The following FHIT variants were observed in gnomAD, a reference collection of about 807,000 sequenced individuals.
FHIT encodes fragile histidine triad diadenosine triphosphatase.
Under a neutral mutation model 17.9 loss-of-function variants are expected in FHIT, and 19 were observed. The ratio of observed to expected loss-of-function variants is 1.06; its 90% CI spans 0.74 to 1.56. FHIT has a LOEUF of 1.56. FHIT is among the 40% of genes most tolerant of loss of function. FHIT has a pLI of 0.00. For synonymous variants in FHIT, 81 were observed against 69.7 expected (o/e 1.16, Z -0.81); for missense variants, 248 against 189.2 (o/e 1.31, Z -1.82).
intron 2 of FHIT, among the ~76,000 whole-genome samples, chr3:61,192,100 T>A (rs1257295549): frequency 1.3e-5 from 2 of 152,140 alleles, no homozygotes; most frequent in African/African-American, 2.4e-5. Flanking sequence ...GAACCAGCCA[T>A]CTTAGAACTA....
chr3:60,079,392 G>A (rs570769061), intron 5 of FHIT, among the ~76,000 whole-genome samples: 3 of 152,148 alleles, frequency 2.0e-5, no homozygotes, highest in Admixed American at 6.5e-5. Flanking sequence ...AGCAATCGTG[G>A]GTGGGGGCTT....
chr3:60,862,777 G>T lies in FHIT; in HGVS notation c.-110-40766C>A, dbSNP rs190459213. Among the ~76,000 whole-genome samples, 3 of 151,768 alleles carry T rather than the reference G, an allele frequency of 2.0e-5. No individual in the cohort carries two copies. The East Asian group carries it at 5.8e-4, about 30-fold the overall frequency. ...TAAGGCAGCAGAATTGCTTGAACCC[G>T]GGAGGCAGAGGTTGCAGTGAGCCAA... On this transcript the variant is annotated intron_variant, in intron 3 of 9. Coordinates refer to ENST00000492590, the MANE Select transcript of FHIT (RefSeq NM_002012.4).
At chr3:60,320,225 T>C (rs1422048613) in intron 5 of FHIT, among the ~76,000 whole-genome samples, 1 of 152,212 alleles carries the variant, frequency 6.6e-6, no homozygotes, top group Non-Finnish European at 1.5e-5. Context: ...ATTTCAAATT[T>C]GTTTATTCTT....
intron 2 of FHIT, among the ~76,000 whole-genome samples, chr3:61,147,105 T>C (rs960583538): frequency 6.6e-6 from 1 of 152,016 alleles, no homozygotes; most frequent in Non-Finnish European, 1.5e-5. Context: ...CTTTTTGTTG[T>C]TGTTTTCTAC....
chr3:59,999,688 T>C (rs1417955725), intron 7 of FHIT, among the ~76,000 whole-genome samples: 1 of 152,088 alleles, frequency 6.6e-6, no homozygotes. Flanking sequence ...CGCTGCACCC[T>C]CTGCCGCCTC....
chr3:60,736,523 T>C (rs1041668994), intron 4 of FHIT, among the ~76,000 whole-genome samples: 3 of 152,214 alleles, frequency 2.0e-5, no homozygotes, highest in African/African-American at 4.8e-5. Context: ...CATTATGCTA[T>C]GTGAGAAAAG....
intron 4 of FHIT, among the ~76,000 whole-genome samples, chr3:60,819,001 T>G (rs1272768668): frequency 2.0e-5 from 3 of 151,702 alleles, no homozygotes; most frequent in Non-Finnish European, 4.4e-5. Context: ...TCTCTAATGC[T>G]TCCAGGTAAT....
chr3:61,174,363 A>C lies in FHIT; in HGVS notation c.-164+26254T>G, dbSNP rs879359504. ...AATTATACTGCAATGCTGAGGAAAG[A>C]GACATTTAATTACAGATATAATTTA... is the stretch of plus-strand genomic sequence containing the variant. On this transcript the variant is annotated intron_variant, in intron 2 of 9. Coordinates refer to ENST00000492590, the MANE Select transcript of FHIT (RefSeq NM_002012.4). Among the ~76,000 whole-genome samples, 7 of 152,390 alleles carry C rather than the reference A, an allele frequency of 4.6e-5. No homozygotes were observed. In the East Asian group the frequency reaches 1.3e-3, roughly 29 times the overall value.
rs142446094 is a variant in FHIT, at chr3:60,159,844, T to TA, written c.104-145693dup. Among the ~76,000 whole-genome samples, 1,194 of 152,212 alleles carry TA rather than the reference T, an allele frequency of 7.8e-3. 10 individuals carry two copies. The highest frequency in any genetic ancestry group is 0.027 in the African/African-American group (1,107 of 41,540). ...CCTCTAACTCCAGGGAACATGCTCA[T>TA]AACCATGAGGACACATTGCCTCACA... On this transcript the variant is annotated intron_variant, in intron 5 of 9. Transcript: ENST00000492590.
At chr3:60,769,794 T>G (rs1553722562) in intron 4 of FHIT, among the ~76,000 whole-genome samples, 1 of 152,216 alleles carries the variant, frequency 6.6e-6, no homozygotes, top group Non-Finnish European at 1.5e-5. Flanking sequence ...TACTATTAAC[T>G]TAGGTTTTCA....
chr3:60,086,730 C>CA (rs1325872974), intron 5 of FHIT, among the ~76,000 whole-genome samples: 1 of 152,210 alleles, frequency 6.6e-6, no homozygotes, highest in African/African-American at 2.4e-5. Context: ...CTAGGTACTG[C>CA]AAGGGGTGGG....
chr3:60,470,780 G>T (rs868582422), intron 5 of FHIT, among the ~76,000 whole-genome samples: 2 of 152,038 alleles, frequency 1.3e-5, no homozygotes, highest in Non-Finnish European at 2.9e-5. Context: ...AAGCAGAAGG[G>T]ATCTCTCCCT....
At chr3:60,370,357 G>A (rs375955719) in intron 5 of FHIT, among the ~76,000 whole-genome samples, 6 of 152,258 alleles carry the variant, frequency 3.9e-5, no homozygotes, top group African/African-American at 1.2e-4. Context: ...TGTTCGGAGT[G>A]TTTTTCTATT....
chr3:59,784,596 C>T (rs564386352), intron 8 of FHIT, among the ~76,000 whole-genome samples: 61 of 152,192 alleles, frequency 4.0e-4, no homozygotes, highest in Admixed American at 6.5e-4. Flanking sequence ...GGTGGCTTTA[C>T]GTAGAACGCA....
intron 3 of FHIT, among the ~76,000 whole-genome samples, chr3:60,855,984 G>T (rs10510855): frequency 0.65 from 98,950 of 151,978 alleles, 36,352 homozygotes; most frequent in East Asian, 1. Flanking sequence ...ATTTTGGGGA[G>T]AAGATGCATC....
intron 3 of FHIT, among the ~76,000 whole-genome samples, chr3:61,027,260 T>C (rs888153058): frequency 1.3e-5 from 2 of 152,132 alleles, no homozygotes; most frequent in Non-Finnish European, 2.9e-5. Flanking sequence ...CAAATTTTTG[T>C]AGTTTTAGTA....
At chr3:60,123,985 TATATATATATATATATATATATATAG>T (rs1248382987) in intron 5 of FHIT, among the ~76,000 whole-genome samples, 3 of 47,466 alleles carry the variant, frequency 6.3e-5, no homozygotes, top group South Asian at 1.6e-3. Flanking sequence ...TATATATATA[TATATATATATATATATATATATATAG>T]AGAGAGAGAG....
chr3:60,948,248 G>A (rs967137407), intron 3 of FHIT, among the ~76,000 whole-genome samples: 3 of 152,152 alleles, frequency 2.0e-5, no homozygotes, highest in Admixed American at 6.5e-5. Context: ...GCACTGGCAA[G>A]TCAGGCAGAA....
In FHIT at chr3:60,789,156, G is replaced by GTATATATA. The variant is rs782494801; in HGVS notation, c.-18+32755_-18+32762dup. ...TATAGAGAGAGATGTGTGTGTGTGTGTATATATATATATATATATAGAGAG... is the reference window on the plus strand; with the variant it reads ...TATAGAGAGAGATGTGTGTGTGTGTGTATATATATATATATATATATATATATAGAGAG... On this transcript the variant is annotated intron_variant, in intron 4 of 9. Transcript: ENST00000492590. Among the ~76,000 whole-genome samples the GTATATATA allele has an allele frequency of 3.1e-5, 4 of 131,118 alleles. No individual in the cohort carries two copies. In the East Asian group the frequency reaches 6.8e-4, roughly 22 times the overall value. The allele number at this position is 131,118 out of a possible 152,430, so 86.0% of individuals were successfully genotyped here.
Sources: gnomAD v4.1 joint callset for allele counts (sites outside exome capture counted in the v4.1 genomes callset) on GRCh38, gnomAD v4.1.1 for gene constraint, MANE v1.5 for transcripts, NCBI Gene and HGNC (gene_info 2026-07-23, HGNC 2026-07-21) for gene names.